The following ATP9A variants were observed in gnomAD, a reference collection of about 807,000 sequenced individuals.
The protein encoded by ATP9A is ATPase phospholipid transporting 9A.
Under a neutral mutation model 144.1 loss-of-function variants are expected in ATP9A, and 52 were observed. The observed-to-expected ratio is 0.36, with a 90% CI of 0.29 to 0.45. The LOEUF (loss-of-function observed/expected upper bound fraction) is 0.45, where lower values mean the gene tolerates loss of function less well. ATP9A is among the 20% of genes least tolerant of loss of function. The pLI is 1.00. For synonymous variants in ATP9A, 582 were observed against 557.4 expected (o/e 1.04, Z -0.62); for missense variants, 947 against 1,392.7 (o/e 0.68, Z 5.09).
At chr20:51,732,181 A>G (rs2077744748) in intron 1 of ATP9A, among the ~76,000 whole-genome samples, 1 of 152,168 alleles carries the variant, frequency 6.6e-6, no homozygotes, top group South Asian at 2.1e-4. Flanking sequence ...GAGGACCCCA[A>G]AAACGGCAGC....
chr20:51,725,895 T>C lies in ATP9A; in HGVS notation c.251A>G (p.Tyr84Cys). Reference protein sequence around the residue: ...FNQFKYFFNLYFLLLACSQFV... With the variant: ...FNQFKYFFNLCFLLLACSQFV... ...CTGAGAGCAGGCAAGAAGTAAGAAATAGAGGTTGAAAAAGTATTTGAACTG... is the reference window on the plus strand; with the variant it reads ...CTGAGAGCAGGCAAGAAGTAAGAAACAGAGGTTGAAAAAGTATTTGAACTG... The change falls in exon 3 of 28, where the codon TAT becomes TGT. Residue 84 changes from tyrosine (Y) to cysteine (C), a missense_variant. Physicochemically the swap from Tyr to Cys is radical, Grantham distance 194. This residue lies in a region of ATP9A where 770 missense variants were observed against 1,047.9 expected (regional missense o/e 0.73). Transcript: ENST00000338821. The C allele has an allele frequency of 1.9e-6, 3 of 1,613,610 alleles. No homozygotes were observed. The highest frequency in any genetic ancestry group is 2.5e-6 in the Non-Finnish European group (3 of 1,179,624).
intron 2 of ATP9A, among the ~76,000 whole-genome samples, chr20:51,727,760 T>C (rs1248101034): frequency 5.3e-5 from 8 of 151,308 alleles, no homozygotes; most frequent in Non-Finnish European, 1.2e-4. Flanking sequence ...TGAAACCCTG[T>C]CTCTACTAAA....
chr20:51,628,033 C>T (rs1001311179), intron 16 of ATP9A, among the ~76,000 whole-genome samples: 2 of 152,126 alleles, frequency 1.3e-5, no homozygotes, highest in Non-Finnish European at 1.5e-5. Flanking sequence ...CCCAAATAAC[C>T]ACAATCAATG....
At chr20:51,709,819 T>G (rs770132483) in intron 4 of ATP9A, among the ~76,000 whole-genome samples, 22 of 152,324 alleles carry the variant, frequency 1.4e-4, no homozygotes, top group Non-Finnish European at 2.5e-4. Flanking sequence ...GCAAATTTTT[T>G]GCTTGTTAGG....
chr20:51,751,358 C>T (rs1225538443), intron 1 of ATP9A, among the ~76,000 whole-genome samples: 1 of 148,962 alleles, frequency 6.7e-6, no homozygotes, highest in East Asian at 2.0e-4. Flanking sequence ...CCCCTGGACT[C>T]AAGGGATCCT....
chr20:51,678,122 T>A, intron 9 of ATP9A, among the ~76,000 whole-genome samples: 1 of 38,220 alleles, frequency 2.6e-5, no homozygotes, highest in South Asian at 8.8e-4. Context: ...CATACAGGAC[T>A]GGGTGGCAGG....
chr20:51,635,878 AGGAGG>A (rs1292330997), intron 15 of ATP9A, among the ~76,000 whole-genome samples: 84 of 42,704 alleles, frequency 2.0e-3, no homozygotes, highest in Non-Finnish European at 3.0e-3. Flanking sequence ...GGAGGGAGGG[AGGAGG>A]GGAGGGGAGG....
At chr20:51,684,493 G>A (rs948794848) in intron 9 of ATP9A, among the ~76,000 whole-genome samples, 2 of 151,052 alleles carry the variant, frequency 1.3e-5, no homozygotes, top group African/African-American at 4.9e-5. Context: ...TCAGGCGATT[G>A]AGACCATCCT....
chr20:51,634,855 C>CAA lies in ATP9A; in HGVS notation c.1668+4486_1668+4487dup, dbSNP rs74175564. ...GGGAAACAAAAACAAAACTCCATCT[C>CAA]AAAAAAAAAAAAAATCCCCTAACGT... On this transcript the variant is annotated intron_variant, in intron 15 of 27. Coordinates refer to ENST00000338821, the MANE Select transcript of ATP9A (RefSeq NM_006045.3). Among the ~76,000 whole-genome samples, 2 of 109,850 alleles carry CAA rather than the reference C, an allele frequency of 1.8e-5. 1 individual carries two copies. Among genetic ancestry groups the CAA allele is most frequent in the Non-Finnish European group, 3.7e-5 (2 of 54,274 alleles). The allele number at this position is 109,850 out of a possible 152,430, so 72.1% of individuals were successfully genotyped here.
At chr20:51,629,435 A>G (rs936963802) in intron 15 of ATP9A, among the ~76,000 whole-genome samples, 6 of 152,222 alleles carry the variant, frequency 3.9e-5, no homozygotes, top group Admixed American at 1.3e-4. Context: ...AATAGGGAAG[A>G]TAAGGACTAG....
chr20:51,613,712 C>T lies in ATP9A; in HGVS notation c.2536G>A (p.Val846Met). ...CTGATACAGAGGCTCCTGTGAATCA[C>T]GAACTGGCTGAGGGCGGCTGACCGC... ...YKRSAALSQF[V>M]IHRSLCISTM... The change falls in exon 23 of 28, where the codon GTG becomes ATG. Residue 846 changes from valine (V) to methionine (M), a missense_variant. By Grantham distance (21) the Val-to-Met change is conservative. Coordinates refer to ENST00000338821, the MANE Select transcript of ATP9A (RefSeq NM_006045.3). 3 of 1,614,096 alleles carry T rather than the reference C, an allele frequency of 1.9e-6. No individual in the cohort carries two copies. The highest frequency in any genetic ancestry group is 2.5e-6 in the Non-Finnish European group (3 of 1,179,982).
chr20:51,614,469 T>TTA (rs756798361), intron 22 of ATP9A, among the ~76,000 whole-genome samples: 2 of 151,864 alleles, frequency 1.3e-5, no homozygotes, highest in Admixed American at 6.6e-5. Context: ...CCTGACTAAT[T>TTA]TAGTTATTTT....
chr20:51,696,033 T>C (rs1015350396), intron 6 of ATP9A, 60 bp downstream of exon 6: 12 of 1,458,482 alleles, frequency 8.2e-6, no homozygotes, highest in Non-Finnish European at 1.1e-5. Flanking sequence ...AAATGATTAT[T>C]TTGCCAAATT....
intron 1 of ATP9A, 94 bp downstream of exon 1, chr20:51,768,208 C>T: frequency 2.5e-6 from 2 of 787,920 alleles, no homozygotes; most frequent in Non-Finnish European, 3.3e-6. Flanking sequence ...CCGGGCGCGG[C>T]GCGCGGCCAA....
chr20:51,625,408 G>A, intron 17 of ATP9A, 46 bp from the exon 18 acceptor site: 1 of 1,574,362 alleles, frequency 6.4e-7, no homozygotes, highest in Non-Finnish European at 8.6e-7. Flanking sequence ...GTGAGGAGAG[G>A]CCAGGCTGAC....
chr20:51,724,030 GCA>G (rs991485605), intron 3 of ATP9A, among the ~76,000 whole-genome samples: 1 of 151,870 alleles, frequency 6.6e-6, no homozygotes, highest in Admixed American at 6.6e-5. Flanking sequence ...AATTAGCTGG[GCA>G]CAGTGGCGGG....
rs747981933 is a variant in ATP9A at position 51,729,909 on chromosome 20, G to A, written c.138C>T (p.Pro46=). 1.6e-5 allele frequency: 26 copies of A among 1,605,878 alleles called. No individual in the cohort carries two copies. The Middle Eastern group carries it at 6.7e-4, about 41-fold the overall frequency. The part of the protein sequence containing the change: ...ARPRTVWLGH[P]EKRDQRYPRN... Reference sequence around the variant, plus strand: ...GAGGATACCTCTGGTCTCTCTTCTCGGGGTGCCCCAGCCAGACAGTGCGGG... The same window carrying A: ...GAGGATACCTCTGGTCTCTCTTCTCAGGGTGCCCCAGCCAGACAGTGCGGG... Residue 46 remains proline, a synonymous_variant, in exon 2 of 28, where the codon CCC becomes CCT. Transcript: ENST00000338821.
At chr20:51,637,277 AG>A (rs2077296146) in intron 15 of ATP9A, among the ~76,000 whole-genome samples, 1 of 143,802 alleles carries the variant, frequency 7.0e-6, no homozygotes, top group African/African-American at 2.5e-5. Flanking sequence ...GTTTATTTTA[AG>A]TATCTTATTT....
intron 14 of ATP9A, among the ~76,000 whole-genome samples, chr20:51,652,419 A>G (rs1203521716): frequency 1.3e-5 from 2 of 152,200 alleles, no homozygotes; most frequent in Admixed American, 1.3e-4. Context: ...CCCAAGTAAA[A>G]TGCATACTGG....
Sources: gnomAD v4.1 joint callset for allele counts (sites outside exome capture counted in the v4.1 genomes callset) on GRCh38, gnomAD v4.1.1 for gene constraint, gnomAD v4.1.1 regional missense constraint, MANE v1.5 for transcripts, NCBI Gene and HGNC (gene_info 2026-07-23, HGNC 2026-07-21) for gene names.